Variants in UBOX5 observed in about 807,000 individuals in gnomAD.
UBOX5 encodes the protein U-box domain containing 5.
A neutral mutation model predicts 39.0 loss-of-function variants in UBOX5; 28 were observed. The ratio of observed to expected loss-of-function variants is 0.72; its 90% CI spans 0.53 to 0.98. UBOX5 has a LOEUF of 0.98. Ranked by LOEUF, UBOX5 falls within the 50% of genes least tolerant of loss-of-function variation. The probability of loss-of-function intolerance (pLI) is 0.00; values close to 1 mark genes in which losing one functional copy is unlikely to be tolerated. For missense variants in UBOX5, 585 were observed against 674.4 expected (o/e 0.87, Z 1.47); for synonymous variants, 283 against 275.5 (o/e 1.03, Z -0.27).
intron 3 of UBOX5, 86 bp from the exon 4 acceptor site, chr20:3,115,552 G>A (rs2066287455): frequency 2.8e-6 from 4 of 1,413,144 alleles, no homozygotes; most frequent in Non-Finnish European, 3.8e-6. Context: ...CTGTAAAAAC[G>A]GCACCTCCAA....
Position 3,122,057 on chromosome 20 carries a change from C to T in UBOX5, c.582G>A (p.Trp194Ter), listed in dbSNP as rs1206832317. 2.5e-6 allele frequency: 4 copies of T among 1,614,134 alleles called. No individual in the cohort carries two copies. Among genetic ancestry groups the T allele is most frequent in the African/African-American group, 1.3e-5 (1 of 74,950 alleles). ...GIPCIKRLEV[W>*]GQPAKTCSQE... is the part of the protein sequence containing the mutation. ...GGGAGCAGGTCTTGGCCGGCTGACC[C>T]CACACTTCCAACCGCTTGATACAAG... Residue 194 changes from tryptophan (W) to a stop codon, truncating the protein, a stop_gained, in exon 3 of 5, where the codon TGG (tryptophan) becomes TGA (stop). Coordinates refer to ENST00000217173, the MANE Select transcript of UBOX5 (RefSeq NM_014948.4). LOFTEE classifies it high-confidence loss of function.
At chr20:3,158,134 G>GT (rs2066708164) in intron 1 of UBOX5, among the ~76,000 whole-genome samples, 1 of 151,754 alleles carries the variant, frequency 6.6e-6, no homozygotes, top group Non-Finnish European at 1.5e-5. Context: ...TGTTTTTTTT[G>GT]TTTTTTGTTT....
intron 1 of UBOX5, among the ~76,000 whole-genome samples, chr20:3,142,772 C>CAAAAAAAAAAAAAAAA (rs58907108): frequency 1.3e-5 from 1 of 77,770 alleles, no homozygotes; most frequent in Non-Finnish European, 2.3e-5. Context: ...AACTCTGTCT[C>CAAAAAAAAAAAAAAAA]AAAAAAAAAA....
chr20:3,152,991 CAG>C (rs767445759), intron 1 of UBOX5, among the ~76,000 whole-genome samples: 1 of 151,448 alleles, frequency 6.6e-6, no homozygotes, highest in Admixed American at 6.6e-5. Flanking sequence ...AAGCGAAAAA[CAG>C]AAAATGTCTG....
At chr20:3,132,956 T>C (rs1294080833) in intron 1 of UBOX5, among the ~76,000 whole-genome samples, 2 of 142,766 alleles carry the variant, frequency 1.4e-5, no homozygotes, top group African/African-American at 2.8e-5. Context: ...ACCCAGTCTC[T>C]ACAAAAAAAA....
chr20:3,114,140 A>T (rs1417496090), intron 4 of UBOX5, among the ~76,000 whole-genome samples: 1 of 152,196 alleles, frequency 6.6e-6, no homozygotes, highest in Non-Finnish European at 1.5e-5. Context: ...ATCTTAAAAA[A>T]AGAAAAAAGA....
At chr20:3,130,874 C>T (rs1240069675) in intron 1 of UBOX5, among the ~76,000 whole-genome samples, 1 of 151,804 alleles carries the variant, frequency 6.6e-6, no homozygotes, top group Non-Finnish European at 1.5e-5. Flanking sequence ...ACTGCATTAG[C>T]CAGAACTTCC....
At chr20:3,153,414 C>A (rs2066651345) in intron 1 of UBOX5, among the ~76,000 whole-genome samples, 2 of 152,244 alleles carry the variant, frequency 1.3e-5, no homozygotes, top group South Asian at 4.1e-4. Flanking sequence ...ATCCTTATAA[C>A]ATCTCTGTAA....
chr20:3,140,377 C>A (rs1241644849), intron 1 of UBOX5, among the ~76,000 whole-genome samples: 1 of 152,090 alleles, frequency 6.6e-6, no homozygotes, highest in South Asian at 2.1e-4. Context: ...CACAGATAAG[C>A]CGTCTTTCTC....
chr20:3,152,384 C>A (rs2148625127), intron 1 of UBOX5, among the ~76,000 whole-genome samples: 1 of 152,104 alleles, frequency 6.6e-6, no homozygotes, highest in South Asian at 2.1e-4. Context: ...CACCTGCAAT[C>A]CCAGCTACTC....
chr20:3,157,931 T>A (rs1304585506), intron 1 of UBOX5, among the ~76,000 whole-genome samples: 6 of 152,066 alleles, frequency 3.9e-5, no homozygotes, highest in Admixed American at 6.6e-5. Context: ...GGTCTCGCTC[T>A]GTTGTTCAGT....
chr20:3,147,070 GC>G (rs1233549844), intron 1 of UBOX5: 4 of 1,614,164 alleles, frequency 2.5e-6, no homozygotes, highest in East Asian at 2.2e-5. Flanking sequence ...TGCAAAGGAA[GC>G]CCCCCAGAGG....
chr20:3,121,802 G>T lies in UBOX5; in HGVS notation c.837C>A (p.Pro279=). ...TGCTCTGGTCGATGACCTTGCCTGA[G>T]GGCAGCAGCATGGGACAAGGCATGA... ...LEIMPCPMLL[P]SGKVIDQSTL... is the part of the protein sequence containing the mutation. The change falls in exon 3 of 5, where the codon CCC becomes CCA. Residue 279 remains proline (P), a synonymous_variant. Transcript: ENST00000217173. 1.2e-6 allele frequency: 2 copies of T among 1,614,148 alleles called. No homozygotes were observed. Among genetic ancestry groups the T allele is most frequent in the South Asian group, 2.2e-5 (2 of 91,086 alleles).
intron 1 of UBOX5, among the ~76,000 whole-genome samples, chr20:3,132,958 C>CAA (rs530642103): frequency 0.021 from 2,627 of 122,360 alleles, 58 homozygotes; most frequent in African/African-American, 0.068. Context: ...CCAGTCTCTA[C>CAA]AAAAAAAAAA....
intron 1 of UBOX5, among the ~76,000 whole-genome samples, chr20:3,153,652 C>T (rs1167314177): frequency 6.6e-6 from 1 of 152,142 alleles, no homozygotes; most frequent in African/African-American, 2.4e-5. Flanking sequence ...TCTAGGATTT[C>T]CAGGTGCCAG....
At chr20:3,153,486 A>G (rs1316555149) in intron 1 of UBOX5, among the ~76,000 whole-genome samples, 1 of 152,266 alleles carries the variant, frequency 6.6e-6, no homozygotes, top group African/African-American at 2.4e-5. Context: ...GAAACCTGCC[A>G]AAAGTTACAC....
chr20:3,156,179 T>C (rs1404595241), intron 1 of UBOX5, among the ~76,000 whole-genome samples: 2 of 149,568 alleles, frequency 1.3e-5, no homozygotes, highest in African/African-American at 4.9e-5. Context: ...GACTCTTTTT[T>C]TTTTTTTTTT....
intron 1 of UBOX5, chr20:3,147,512 G>A: frequency 6.2e-7 from 1 of 1,614,186 alleles, no homozygotes; most frequent in Non-Finnish European, 8.5e-7. Flanking sequence ...AATGCCAACT[G>A]TACCATCGAG....
chr20:3,148,360 C>T (rs1282473470), intron 1 of UBOX5: 1 of 1,614,042 alleles, frequency 6.2e-7, no homozygotes, highest in Non-Finnish European at 8.5e-7. Flanking sequence ...TATTCATCTC[C>T]CATACCTGAT....
Sources: allele counts gnomAD v4.1 joint callset (sites outside exome capture counted in the v4.1 genomes callset), GRCh38; gene constraint gnomAD v4.1.1; transcripts MANE v1.5; gene names NCBI Gene and HGNC (gene_info 2026-07-23, HGNC 2026-07-21).